The following MTMR2 variants were observed in gnomAD, a reference collection of about 807,000 sequenced individuals.
MTMR2 encodes myotubularin related protein 2.
MTMR2 carries 55 observed loss-of-function variants against 86.9 expected under a neutral mutation model. That is an observed-to-expected ratio of 0.63 (90% CI 0.51 to 0.79). The LOEUF (loss-of-function observed/expected upper bound fraction) is 0.79. Ranked by LOEUF, MTMR2 falls within the 30% of genes least tolerant of loss-of-function variation. The pLI is 0.00. For synonymous variants in MTMR2, 241 were observed against 266.8 expected (o/e 0.90, Z 0.94); for missense variants, 659 against 772.3 (o/e 0.85, Z 1.74).
At chr11:95,894,309 A>C (rs1359709492) in intron 1 of MTMR2, among the ~76,000 whole-genome samples, 2 of 152,114 alleles carry the variant, frequency 1.3e-5, no homozygotes, top group Non-Finnish European at 2.9e-5. Context: ...CTCCCCACAT[A>C]GTTATTATTT....
At chr11:95,863,216 G>A (rs1338683350) in intron 3 of MTMR2, among the ~76,000 whole-genome samples, 1 of 152,124 alleles carries the variant, frequency 6.6e-6, no homozygotes, top group Non-Finnish European at 1.5e-5. Context: ...ATCATTCCAA[G>A]GAAGTAAGGG....
At chr11:95,847,021 G>C (rs1863821340) in intron 10 of MTMR2, among the ~76,000 whole-genome samples, 1 of 152,036 alleles carries the variant, frequency 6.6e-6, no homozygotes, top group African/African-American at 2.4e-5. Context: ...TATATATGTG[G>C]TTACATAAGT....
rs1389421315 is a variant in MTMR2 at position 95,877,331 on chromosome 11, CCTTTTTTTTT to C, written c.186+10815_186+10824del. On this transcript the variant is annotated intron_variant, in intron 2 of 14. Transcript: ENST00000346299. ...CATTCAAGATCAAGCACAGGGAAGC[CCTTTTTTTTT>C]TTTTTTTTTTTTTTTTTTTTTTATA... Among the ~76,000 whole-genome samples the C allele has an allele frequency of 4.0e-3, 376 of 94,714 alleles. 15 individuals are homozygous for C. Among genetic ancestry groups the C allele is most frequent in the African/African-American group, 0.018 (356 of 20,148 alleles). 62.1% of individuals were successfully genotyped at this position (94,714 alleles called of 152,430 possible).
At chr11:95,882,885 G>A (rs1865383651) in intron 2 of MTMR2, among the ~76,000 whole-genome samples, 1 of 118,932 alleles carries the variant, frequency 8.4e-6, no homozygotes, top group Admixed American at 9.4e-5. Context: ...ACCACATCCA[G>A]CTAATTTTTT....
intron 5 of MTMR2, among the ~76,000 whole-genome samples, chr11:95,860,704 T>A (rs546136662): frequency 1.4e-4 from 21 of 152,176 alleles, no homozygotes; most frequent in Non-Finnish European, 2.2e-4. Context: ...TTAATAACAG[T>A]GACCTGGAGA....
At chr11:95,854,221 T>C (rs982416029) in intron 7 of MTMR2, among the ~76,000 whole-genome samples, 2 of 152,154 alleles carry the variant, frequency 1.3e-5, no homozygotes, top group African/African-American at 4.8e-5. Flanking sequence ...AAAAATATAC[T>C]GACAATTATT....
intron 2 of MTMR2, 60 bp from the exon 3 acceptor site, chr11:95,865,736 A>G (rs1334037714): frequency 1.5e-6 from 2 of 1,337,262 alleles, no homozygotes; most frequent in African/African-American, 2.9e-5. Flanking sequence ...TTTTTCACTC[A>G]TATTTCAACT....
chr11:95,883,684 A>C (rs1236854125), intron 2 of MTMR2, among the ~76,000 whole-genome samples: 2 of 152,236 alleles, frequency 1.3e-5, no homozygotes, highest in African/African-American at 4.8e-5. Context: ...CCACTTGAAA[A>C]ATCAAAGTTC....
rs1474083365 is a variant in MTMR2, at chr11:95,834,576, G to A, written c.*714C>T. The stretch of plus-strand genomic sequence containing the variant: ...TTTCTGGTAATTGGGCTAATCTGAA[G>A]GGCATGGAATTCTTTGAACTCCTGT... On this transcript the variant is annotated 3_prime_UTR_variant, in exon 15 of 15. Coordinates refer to ENST00000346299, the MANE Select transcript of MTMR2 (RefSeq NM_016156.6). 3 of 152,064 alleles carry A rather than the reference G, an allele frequency of 2.0e-5. No homozygotes were observed. The highest frequency in any genetic ancestry group is 1.9e-4 in the East Asian group (1 of 5,194). 9.4% of individuals were successfully genotyped at this position (152,064 alleles called of 1,614,324 possible).
intron 1 of MTMR2, among the ~76,000 whole-genome samples, chr11:95,911,370 G>GT (rs1405046886): frequency 1.7e-4 from 26 of 152,278 alleles, no homozygotes; most frequent in African/African-American, 5.8e-4. Context: ...ACATATGTCT[G>GT]TTTTTTCTCC....
chr11:95,862,981 T>C lies in MTMR2; in HGVS notation c.263-615A>G, dbSNP rs144354989. Among the ~76,000 whole-genome samples, 28 of 152,322 alleles carry C rather than the reference T, an allele frequency of 1.8e-4. No individual in the cohort carries two copies. The East Asian group carries it at 4.6e-3, about 25-fold the overall frequency. On this transcript the variant is annotated intron_variant, in intron 3 of 14. Coordinates refer to ENST00000346299, the MANE Select transcript of MTMR2 (RefSeq NM_016156.6). ...AATGCCAGACTTTGTAAAGAAATAATCACAAGTAATGTTTTATCAAATAAA... is the reference window on the plus strand; with the variant it reads ...AATGCCAGACTTTGTAAAGAAATAACCACAAGTAATGTTTTATCAAATAAA...
chr11:95,836,345 T>TAAAG (rs1863284477), intron 13 of MTMR2, 21 bp from the exon 14 acceptor site: 1 of 1,583,954 alleles, frequency 6.3e-7, no homozygotes. Context: ...GAAAAATAGG[T>TAAAG]AAAGATTCTC....
intron 1 of MTMR2, among the ~76,000 whole-genome samples, chr11:95,894,623 G>A (rs1001854069): frequency 1.3e-5 from 2 of 152,086 alleles, no homozygotes; most frequent in Non-Finnish European, 2.9e-5. Context: ...TTCCCACTAT[G>A]GAAGCATGTG....
In MTMR2 at chr11:95,847,571, A is replaced by G. The variant is rs1863843544; in HGVS notation, c.1179+143T>C. 1.1e-5 allele frequency: 8 copies of G among 752,834 alleles called. No homozygotes were observed. In the East Asian group the frequency reaches 1.8e-4, roughly 17 times the overall value. 46.6% of individuals were successfully genotyped at this position (752,834 alleles called of 1,614,324 possible). On this transcript the variant is annotated intron_variant, in intron 10 of 14. Transcript: ENST00000346299. ...ATTCATTCAAACATTAAAATTCACTAGTAGTTCCAAGTATCAAAGCATTTA... is the reference window on the plus strand; with the variant it reads ...ATTCATTCAAACATTAAAATTCACTGGTAGTTCCAAGTATCAAAGCATTTA...
intron 2 of MTMR2, among the ~76,000 whole-genome samples, chr11:95,877,264 T>C (rs189553913): frequency 1.4e-5 from 2 of 146,626 alleles, no homozygotes; most frequent in African/African-American, 2.5e-5. Flanking sequence ...AGCCACAGAC[T>C]GGCATCTGGG....
intron 12 of MTMR2, among the ~76,000 whole-genome samples, chr11:95,841,020 C>G (rs17229289): frequency 0.012 from 1,818 of 152,114 alleles, 43 homozygotes; most frequent in Admixed American, 0.052. Context: ...TCACAATAAA[C>G]CAGGTGTTTT....
intron 12 of MTMR2, among the ~76,000 whole-genome samples, chr11:95,838,661 T>C (rs1471548214): frequency 6.6e-6 from 1 of 152,048 alleles, no homozygotes; most frequent in Non-Finnish European, 1.5e-5. Context: ...ATTAAATATT[T>C]AGATGGTGCA....
intron 2 of MTMR2, chr11:95,882,619 T>A (rs1209846704): frequency 1.3e-5 from 2 of 152,122 alleles, no homozygotes; most frequent in African/African-American, 4.8e-5. Context: ...GCCTATTACA[T>A]ACTTCAAGAC....
At chr11:95,842,605 G>T (rs1190487780) in intron 11 of MTMR2, among the ~76,000 whole-genome samples, 1 of 152,168 alleles carries the variant, frequency 6.6e-6, no homozygotes. Flanking sequence ...TTACCCCAAA[G>T]CAGGAATTCT....
Sources: gnomAD v4.1 joint callset for allele counts (sites outside exome capture counted in the v4.1 genomes callset) on GRCh38, gnomAD v4.1.1 for gene constraint, MANE v1.5 for transcripts, NCBI Gene and HGNC (gene_info 2026-07-23, HGNC 2026-07-21) for gene names.